PPM1B: variants seen among roughly 807,000 people sequenced by gnomAD.
PPM1B encodes protein phosphatase, Mg2+/Mn2+ dependent 1B, also known as protein phosphatase 1B.
PPM1B carries 22 observed loss-of-function variants against 43.0 expected under a neutral mutation model. That is an observed-to-expected ratio of 0.51 (90% CI 0.37 to 0.73). The LOEUF is 0.73. PPM1B is among the 30% of genes least tolerant of loss of function. The pLI, the probability that PPM1B is intolerant of heterozygous loss-of-function variation, is 0.00. For missense variants in PPM1B, 632 were observed against 584.2 expected (o/e 1.08, Z -0.84); for synonymous variants, 217 against 197.9 (o/e 1.10, Z -0.81).
At chr2:44,230,036 CT>C in intron 5 of PPM1B, 2 of 1,584,948 alleles carry the variant, frequency 1.3e-6, no homozygotes, top group Non-Finnish European at 1.7e-6. Context: ...CTTTTCTGTC[CT>C]TTTCCTACTG....
chr2:44,206,886 C>T (rs764771205), intron 2 of PPM1B, among the ~76,000 whole-genome samples: 4 of 152,094 alleles, frequency 2.6e-5, no homozygotes, highest in Non-Finnish European at 5.9e-5. Context: ...CCATGGTGTA[C>T]TTTAAAATTA....
At chr2:44,219,055 T>C (rs913442395) in intron 5 of PPM1B, 8 of 283,554 alleles carry the variant, frequency 2.8e-5, no homozygotes, top group African/African-American at 2.3e-5. Flanking sequence ...CCATTTCTGT[T>C]GTACCTTGCT....
chr2:44,205,553 G>C (rs1171210080), intron 2 of PPM1B, among the ~76,000 whole-genome samples: 1 of 152,072 alleles, frequency 6.6e-6, no homozygotes, highest in African/African-American at 2.4e-5. Context: ...ATGGTTTGCT[G>C]TATATCTTTC....
rs1363411612 is a variant in PPM1B at position 44,211,924 on chromosome 2, T to C, written c.964+2597T>C. 3.9e-5 allele frequency among the ~76,000 whole-genome samples: 6 copies of C among 152,174 alleles called. No homozygotes were observed. The East Asian group carries it at 1.2e-3, about 29-fold the overall frequency. On this transcript the variant is annotated intron_variant, in intron 3 of 5. Coordinates refer to ENST00000282412, the MANE Select transcript of PPM1B (RefSeq NM_002706.6). ...GCCACCACACCCGGCCAATTTTGTATGTTTAGTAGAGAGGGGGTTTCTCCA... is the reference window on the plus strand; with the variant it reads ...GCCACCACACCCGGCCAATTTTGTACGTTTAGTAGAGAGGGGGTTTCTCCA...
intron 3 of PPM1B, 89 bp from the exon 4 acceptor site, chr2:44,217,878 G>T: frequency 1.5e-6 from 1 of 660,482 alleles, no homozygotes; most frequent in Non-Finnish European, 2.3e-6. Context: ...TTTTAAAATA[G>T]GTACTACCAA....
chr2:44,189,406 C>G (rs1572698749), intron 1 of PPM1B, among the ~76,000 whole-genome samples: 1 of 152,164 alleles, frequency 6.6e-6, no homozygotes, highest in Non-Finnish European at 1.5e-5. Context: ...AGTTCTCAAA[C>G]TGTCTAGGAT....
chr2:44,217,898 CTT>C (rs1420869005), intron 3 of PPM1B, 67 bp from the exon 4 acceptor site: 17 of 919,674 alleles, frequency 1.8e-5, no homozygotes, highest in Admixed American at 2.9e-5. Flanking sequence ...AATAGTATCT[CTT>C]GTTTCACTTC....
chr2:44,227,113 A>G (rs575873070), intron 5 of PPM1B, among the ~76,000 whole-genome samples: 92 of 152,098 alleles, frequency 6.0e-4, no homozygotes, highest in African/African-American at 2.1e-3. Context: ...AGCTGGGACC[A>G]GAGGTGTGTG....
intron 1 of PPM1B, among the ~76,000 whole-genome samples, chr2:44,186,384 T>C (rs2104044375): frequency 6.6e-6 from 1 of 152,348 alleles, no homozygotes; most frequent in South Asian, 2.1e-4. Flanking sequence ...CTTTTTTTCT[T>C]TTGAGACAGG....
At chr2:44,218,394 G>T (rs1281520906) in intron 4 of PPM1B, 86 bp from the exon 5 acceptor site, 29 of 1,010,856 alleles carry the variant, frequency 2.9e-5, no homozygotes, top group Non-Finnish European at 4.2e-5. Flanking sequence ...TACTTTTTTA[G>T]TGTGGTCAGG....
intron 1 of PPM1B, among the ~76,000 whole-genome samples, chr2:44,178,444 TTA>T (rs1667691316): frequency 1.4e-5 from 2 of 141,028 alleles, no homozygotes; most frequent in Non-Finnish European, 3.0e-5. Flanking sequence ...GTGGTGTATT[TTA>T]TATATGTATA....
chr2:44,245,932 C>T (rs139788062), downstream of PPM1B, among the ~76,000 whole-genome samples: 28 of 152,306 alleles, frequency 1.8e-4, no homozygotes, highest in African/African-American at 6.3e-4. Flanking sequence ...TCAAACTCTG[C>T]GCTTGAATTA....
At chr2:44,224,263 G>T (rs1202829384) in intron 5 of PPM1B, among the ~76,000 whole-genome samples, 2 of 152,050 alleles carry the variant, frequency 1.3e-5, no homozygotes, top group Non-Finnish European at 2.9e-5. Flanking sequence ...AGACCATCCT[G>T]GCTAACATGG....
intron 5 of PPM1B, chr2:44,229,903 A>G (rs1670393131): frequency 1.7e-6 from 2 of 1,206,494 alleles, no homozygotes; most frequent in Non-Finnish European, 2.3e-6. Flanking sequence ...CAAAAAGTAA[A>G]TACAATTTTT....
At chr2:44,199,171 T>G (rs1572711697) in intron 1 of PPM1B, among the ~76,000 whole-genome samples, 2 of 148,964 alleles carry the variant, frequency 1.3e-5, no homozygotes, top group African/African-American at 5.0e-5. Context: ...GGCAGGAGAG[T>G]GGTGTGAACC....
At chr2:44,188,813 C>T (rs1192720929) in intron 1 of PPM1B, among the ~76,000 whole-genome samples, 2 of 149,888 alleles carry the variant, frequency 1.3e-5, no homozygotes, top group Admixed American at 6.7e-5. Flanking sequence ...ACTCCCCTCC[C>T]CCTCCCCCTA....
Position 44,231,183 on chromosome 2 carries a change from A to G in PPM1B, c.*465A>G, listed in dbSNP as rs1413498471. On this transcript the variant is annotated 3_prime_UTR_variant, in exon 6 of 6. Coordinates refer to ENST00000282412, the MANE Select transcript of PPM1B (RefSeq NM_002706.6). ...CAAAGAATGGCTGATGCTGGCCTGT[A>G]ATTTTTCTTTCAAGGATGATAATTT... 1.0e-5 allele frequency: 10 copies of G among 983,480 alleles called. No homozygotes were observed. In the Admixed American group the frequency reaches 6.1e-4, roughly 60 times the overall value. The allele number at this position is 983,480 out of a possible 1,614,324, so 60.9% of individuals were successfully genotyped here.
chr2:44,169,168 G>T lies in PPM1B; in HGVS notation c.-121G>T. 1 of 151,046 alleles carries T rather than the reference G, an allele frequency of 6.6e-6. No individual in the cohort carries two copies. Among genetic ancestry groups the T allele is most frequent in the Non-Finnish European group, 1.5e-5 (1 of 67,768 alleles). 9.4% of individuals were successfully genotyped at this position (151,046 alleles called of 1,614,324 possible). On this transcript the variant is annotated 5_prime_UTR_variant, in exon 1 of 6. Coordinates refer to ENST00000282412, the MANE Select transcript of PPM1B (RefSeq NM_002706.6). ...GAGGCGGCGGTCGAGACCCCGAGGGGGAAGCGGCGGCTGAGTCAGGGTCGC... is the reference window on the plus strand; with the variant it reads ...GAGGCGGCGGTCGAGACCCCGAGGGTGAAGCGGCGGCTGAGTCAGGGTCGC...
downstream of PPM1B, among the ~76,000 whole-genome samples, chr2:44,236,645 C>G (rs1371727704): frequency 1.3e-5 from 2 of 152,102 alleles, no homozygotes; most frequent in African/African-American, 4.8e-5. Flanking sequence ...TTTCTGAAAC[C>G]TTGGAAAATA....
Sources: allele counts gnomAD v4.1 joint callset (sites outside exome capture counted in the v4.1 genomes callset), GRCh38; gene constraint gnomAD v4.1.1; transcripts MANE v1.5; gene names NCBI Gene and HGNC (gene_info 2026-07-23, HGNC 2026-07-21).